The following EVI5 variants were observed in gnomAD, a reference collection of about 807,000 sequenced individuals.
EVI5 encodes the protein ecotropic viral integration site 5, also known as ecotropic viral integration site 5 protein homolog.
Under a neutral mutation model 112.0 loss-of-function variants are expected in EVI5, and 73 were observed. The observed-to-expected ratio is 0.65, with a 90% confidence interval of 0.54 to 0.79. The LOEUF (loss-of-function observed/expected upper bound fraction) is 0.79. Ranked by LOEUF, EVI5 falls within the 30% of genes least tolerant of loss-of-function variation. The pLI is 0.00. For missense variants in EVI5, 900 were observed against 968.8 expected, an observed-to-expected ratio of 0.93 and a Z score of 0.94; for synonymous variants, 305 against 319.9, an observed-to-expected ratio of 0.95 and a Z score of 0.50.
chr1:92,612,528 G>T (rs933617472), intron 16 of EVI5, among the ~76,000 whole-genome samples: 1 of 151,948 alleles, frequency 6.6e-6, no homozygotes, highest in Non-Finnish European at 1.5e-5. Flanking sequence ...GGCCAATATG[G>T]TGAAACCCCT....
chr1:92,698,145 C>G (rs1235068011), intron 5 of EVI5, among the ~76,000 whole-genome samples, 160 bp from the exon 6 acceptor site: 1 of 152,232 alleles, frequency 6.6e-6, no homozygotes, highest in Non-Finnish European at 1.5e-5. Flanking sequence ...AAGTTCTAGT[C>G]TCCCATTCTA....
chr1:92,580,311 AT>A (rs1671739617), intron 18 of EVI5, among the ~76,000 whole-genome samples: 2 of 152,194 alleles, frequency 1.3e-5, no homozygotes, highest in African/African-American at 4.8e-5. Flanking sequence ...AGTGATCCTG[AT>A]TCATATATTG....
intron 1 of EVI5, among the ~76,000 whole-genome samples, chr1:92,763,244 G>A (rs1044413639): frequency 6.6e-6 from 1 of 151,966 alleles, no homozygotes; most frequent in Non-Finnish European, 1.5e-5. Flanking sequence ...ACTTGGCCTG[G>A]GCAGCAGAGT....
intron 19 of EVI5, among the ~76,000 whole-genome samples, chr1:92,531,700 C>T (rs1007596953): frequency 2.0e-5 from 3 of 152,024 alleles, no homozygotes; most frequent in Non-Finnish European, 2.9e-5. Flanking sequence ...GCTTCACAAG[C>T]GAAGGAAAAA....
chr1:92,763,936 A>T (rs1682248932), intron 1 of EVI5, among the ~76,000 whole-genome samples: 1 of 152,240 alleles, frequency 6.6e-6, no homozygotes, highest in Admixed American at 6.5e-5. Flanking sequence ...ACCACATCAT[A>T]ATTACATGCC....
intron 19 of EVI5, among the ~76,000 whole-genome samples, chr1:92,525,810 C>A (rs1661772281): frequency 6.6e-6 from 1 of 152,190 alleles, no homozygotes; most frequent in South Asian, 2.1e-4. Flanking sequence ...CTCATTAGAA[C>A]AGTAGGAAAG....
chr1:92,680,113 A>G (rs1667357728), intron 9 of EVI5, among the ~76,000 whole-genome samples: 1 of 152,206 alleles, frequency 6.6e-6, no homozygotes, highest in South Asian at 2.1e-4. Context: ...TACACTATTA[A>G]CAGAGTGATC....
At chr1:92,785,292 G>T (rs906221886), upstream of EVI5, among the ~76,000 whole-genome samples, 1 of 152,226 alleles carries the variant, frequency 6.6e-6, no homozygotes, top group African/African-American at 2.4e-5. Context: ...CCAGCCTTCA[G>T]TCCTGCAAGT....
chr1:92,551,736 T>C lies in EVI5; in HGVS notation c.2166+11906A>G, dbSNP rs75469274. Among the ~76,000 whole-genome samples the C allele has an allele frequency of 1.1e-3, 165 of 152,286 alleles. 1 individual carries two copies. The East Asian group carries it at 0.027, about 25-fold the overall frequency. ...CTCTTCCTGGGAATGCTAAAAGAAA[T>C]AGAAGTCTCTTTCACCCTTACTGAA... On this transcript the variant is annotated intron_variant, in intron 19 of 19. Transcript: ENST00000684568.
chr1:92,684,447 C>T (rs1204636303), intron 9 of EVI5, among the ~76,000 whole-genome samples: 1 of 152,182 alleles, frequency 6.6e-6, no homozygotes, highest in Non-Finnish European at 1.5e-5. Context: ...ACTGCAAAAA[C>T]ATGACAAATT....
At chr1:92,730,456 C>G (rs1196866476) in intron 2 of EVI5, among the ~76,000 whole-genome samples, 1 of 151,762 alleles carries the variant, frequency 6.6e-6, no homozygotes, top group Non-Finnish European at 1.5e-5. Context: ...GAACCCAAGT[C>G]CTTGAAGCCA....
At position 92,753,036 on chromosome 1, in the gene EVI5, T is replaced by C. The variant is rs143211540; in HGVS notation, c.-81-16409A>G. ...AGGGCAAAACACTAAAGAACTTAAT[T>C]TGATAGGGTGGATAAGGACTGCCTT... On this transcript the variant is annotated intron_variant, in intron 1 of 19. Coordinates refer to ENST00000684568, the MANE Select transcript of EVI5 (RefSeq NM_001350197.2). 1.4e-3 allele frequency among the ~76,000 whole-genome samples: 216 copies of C among 152,034 alleles called. 1 individual carries two copies. Among genetic ancestry groups the C allele is most frequent in the Non-Finnish European group, 2.4e-3 (164 of 67,980 alleles).
At chr1:92,788,422 C>T (rs1685816968), upstream of EVI5, among the ~76,000 whole-genome samples, 1 of 151,248 alleles carries the variant, frequency 6.6e-6, no homozygotes, top group Non-Finnish European at 1.5e-5. Flanking sequence ...TGCAGTGAGC[C>T]GAGATTGCAC....
intron 11 of EVI5, among the ~76,000 whole-genome samples, chr1:92,665,240 A>G (rs1264421840): frequency 1.3e-5 from 2 of 152,098 alleles, no homozygotes; most frequent in East Asian, 3.9e-4. Flanking sequence ...AAGCACCAAA[A>G]GAGTTTGTGA....
intron 2 of EVI5, among the ~76,000 whole-genome samples, chr1:92,712,562 T>C (rs1039685553): frequency 1.3e-5 from 2 of 152,090 alleles, no homozygotes; most frequent in African/African-American, 4.8e-5. Flanking sequence ...GTTTAATTAA[T>C]TATACCATCA....
At chr1:92,561,741 G>A (rs1668669867) in intron 19 of EVI5, among the ~76,000 whole-genome samples, 1 of 151,906 alleles carries the variant, frequency 6.6e-6, no homozygotes, top group African/African-American at 2.4e-5. Flanking sequence ...AGGTTCAAGC[G>A]ATTCTCCTGC....
intron 1 of EVI5, among the ~76,000 whole-genome samples, chr1:92,746,832 C>A (rs4332363): frequency 2.7e-5 from 4 of 150,522 alleles, no homozygotes; most frequent in Admixed American, 6.7e-5. Context: ...GAGGTCAAGG[C>A]TGCAGTGAAC....
intron 1 of EVI5, among the ~76,000 whole-genome samples, chr1:92,779,191 A>C (rs555488140): frequency 5.9e-5 from 9 of 152,234 alleles, no homozygotes; most frequent in African/African-American, 2.2e-4. Context: ...ACTATACCAA[A>C]TAGGAAAAAA....
intron 18 of EVI5, among the ~76,000 whole-genome samples, chr1:92,595,220 G>C (rs1053646454): frequency 5.9e-5 from 9 of 151,904 alleles, no homozygotes; most frequent in African/African-American, 1.9e-4. Context: ...ATATACCATG[G>C]AATACTATGC....
Sources: allele counts gnomAD v4.1 joint callset (sites outside exome capture counted in the v4.1 genomes callset), GRCh38; gene constraint gnomAD v4.1.1; transcripts MANE v1.5; gene names NCBI Gene and HGNC (gene_info 2026-07-23, HGNC 2026-07-21).